Variants in NDRG4 observed in about 807,000 individuals in gnomAD.
NDRG4 encodes NDRG family member 4.
A neutral mutation model predicts 55.8 loss-of-function variants in NDRG4; 38 were observed. The ratio of observed to expected loss-of-function variants is 0.68; its 90% CI spans 0.53 to 0.89. The LOEUF is 0.89. Ranked by LOEUF, NDRG4 falls within the 40% of genes least tolerant of loss-of-function variation. The probability of loss-of-function intolerance (pLI) is 0.00; values close to 1 mark genes in which losing one functional copy is unlikely to be tolerated. For synonymous variants in NDRG4, 190 were observed against 182.7 expected, an observed-to-expected ratio of 1.04 and a Z score of -0.32; for missense variants, 455 against 468.6, an observed-to-expected ratio of 0.97 and a Z score of 0.27.
Position 58,506,450 on chromosome 16 carries a change from T to A in NDRG4, c.436T>A (p.Trp146Arg). 6.2e-7 allele frequency: 1 copy of A among 1,603,966 alleles called. No homozygotes were observed. The highest frequency in any genetic ancestry group is 8.5e-7 in the Non-Finnish European group (1 of 1,176,756). Residue 146 changes from tryptophan to arginine, a missense_variant, in exon 6 of 15, where the codon TGG becomes AGG. Trp to Arg is a moderately radical substitution (Grantham distance 101, BLOSUM62 -3). Transcript: ENST00000570248. ...LVNIDPNGKG[W>R]IDWAATKLSG... ...GAACATCGACCCCAATGGCAAAGGC[T>A]GGATAGACTGGGCTGCCACCAAGGT...
chr16:58,477,006 GT>G (rs758971200), intron 1 of NDRG4, among the ~76,000 whole-genome samples: 12 of 151,958 alleles, frequency 7.9e-5, no homozygotes, highest in Non-Finnish European at 1.2e-4. Context: ...TGAGAGCCAG[GT>G]TTCTCACCAC....
chr16:58,480,425 C>G (rs1016262180), intron 1 of NDRG4, among the ~76,000 whole-genome samples: 1 of 152,170 alleles, frequency 6.6e-6, no homozygotes, highest in African/African-American at 2.4e-5. Flanking sequence ...CCGGCCCTGC[C>G]CCCTCCAAGT....
exon 1 of NDRG4, chr16:58,463,764 C>T (rs2030968340): frequency 6.6e-6 from 1 of 151,082 alleles, no homozygotes; most frequent in Admixed American, 6.6e-5. Context: ...GCCCCGCTCC[C>T]CGCCTGCGCG....
chr16:58,494,861 A>G, intron 2 of NDRG4: 1 of 924,258 alleles, frequency 1.1e-6, no homozygotes. Flanking sequence ...AAGAAAAGAG[A>G]AAAGACAGAC....
At chr16:58,504,084 C>G in intron 2 of NDRG4, 70 bp from the exon 3 acceptor site, 1 of 1,604,334 alleles carries the variant, frequency 6.2e-7, no homozygotes, top group Non-Finnish European at 8.5e-7. Flanking sequence ...TGCCTGCCCT[C>G]TGGGGGCCCG....
At chr16:58,503,662 G>T in intron 1 of NDRG4, 136 bp from the exon 2 acceptor site, 2 of 1,525,384 alleles carry the variant, frequency 1.3e-6, no homozygotes, top group Non-Finnish European at 1.8e-6. Context: ...GGGGCTTCTT[G>T]GGGTGATGAG....
At chr16:58,497,216 G>A (rs1029279645), upstream of NDRG4, among the ~76,000 whole-genome samples, 1 of 152,134 alleles carries the variant, frequency 6.6e-6, no homozygotes, top group African/African-American at 2.4e-5. Context: ...CAGCTACTTG[G>A]GAGGCTGAGG....
At chr16:58,478,713 A>AT (rs1227415140) in intron 1 of NDRG4, among the ~76,000 whole-genome samples, 3 of 58,634 alleles carry the variant, frequency 5.1e-5, no homozygotes, top group African/African-American at 9.1e-5. Context: ...TTTTTTTGTA[A>AT]TTTTTTTGTA....
upstream of NDRG4, among the ~76,000 whole-genome samples, chr16:58,496,661 C>T (rs2036447398): frequency 1.3e-5 from 2 of 152,126 alleles, no homozygotes; most frequent in South Asian, 2.1e-4. Context: ...ATTTGTCTAC[C>T]GCATTTTCAG....
chr16:58,493,708 G>A (rs1052116570), intron 2 of NDRG4, among the ~76,000 whole-genome samples: 4 of 152,214 alleles, frequency 2.6e-5, no homozygotes, highest in African/African-American at 9.6e-5. Flanking sequence ...TGAGCTGCCC[G>A]GGAGTTCACA....
intron 1 of NDRG4, chr16:58,501,312 C>G: frequency 2.6e-6 from 1 of 381,350 alleles, no homozygotes; most frequent in Non-Finnish European, 4.6e-6. Flanking sequence ...GCGCAAAGCC[C>G]GGCTCAAAGC....
At chr16:58,480,828 T>A (rs2034294578) in intron 1 of NDRG4, among the ~76,000 whole-genome samples, 1 of 151,946 alleles carries the variant, frequency 6.6e-6, no homozygotes, top group South Asian at 2.1e-4. Flanking sequence ...GCCAACATGG[T>A]GAAACCCCAT....
At position 58,512,500 on chromosome 16, in the gene NDRG4, A is replaced by C. The variant is rs1156683019; in HGVS notation, c.*924A>C. ...TTCCCCAGAGGGCAACGCCATCAGT[A>C]GCAGTGTGGTGTTTCAGGCAGAGCT... On this transcript the variant is annotated 3_prime_UTR_variant, in exon 15 of 15. Transcript: ENST00000570248. The C allele has an allele frequency of 4.2e-6, 1 of 239,730 alleles. No individual in the cohort carries two copies. The highest frequency in any genetic ancestry group is 1.5e-4 in the East Asian group (1 of 6,582). 14.9% of individuals were successfully genotyped at this position (239,730 alleles called of 1,614,324 possible).
At chr16:58,508,270 A>G (rs1039182919) in intron 10 of NDRG4, among the ~76,000 whole-genome samples, 2 of 152,206 alleles carry the variant, frequency 1.3e-5, no homozygotes, top group African/African-American at 4.8e-5. Flanking sequence ...CCAGCAGCAC[A>G]GCCCCAACTT....
Position 58,477,573 on chromosome 16 carries a change from ATAAG to A in NDRG4, c.-23-10179_-23-10176del, listed in dbSNP as rs1314953734. On this transcript the variant is annotated intron_variant, in intron 1 of 15. Coordinates refer to the NDRG4 transcript ENST00000258187. ...TATCCATGAGTCCTTATTGATATAAATAAGTAATTGAATAAAGGAGGAAAAAGGA... is the reference window on the plus strand; with the variant it reads ...TATCCATGAGTCCTTATTGATATAAATAATTGAATAAAGGAGGAAAAAGGA... Among the ~76,000 whole-genome samples, 186 of 152,346 alleles carry A rather than the reference ATAAG, an allele frequency of 1.2e-3. 1 individual carries two copies. Among genetic ancestry groups the A allele is most frequent in the Non-Finnish European group, 3.7e-4 (25 of 68,042 alleles).
chr16:58,464,705 C>G lies in NDRG4; in HGVS notation c.-24+908C>G, dbSNP rs2031235039. The G allele has an allele frequency of 8.2e-7, 1 of 1,214,720 alleles. No homozygotes were observed. The allele number at this position is 1,214,720 out of a possible 1,614,324, so 75.2% of individuals were successfully genotyped here. A position where few individuals can be genotyped will look rare whatever the true frequency, so the allele number is the denominator to read the frequency against. ...GCGGGAGCACCGGTCAGGGGGTGGC[C>G]CCATGGGGTCTCTGACCAGCGGAGC... On this transcript the variant is annotated intron_variant, in intron 1 of 15. Coordinates refer to the NDRG4 transcript ENST00000258187. This position sits in a 1 kb window ranked among gnomAD's most constrained non-coding sequence, Gnocchi z 4.8.
chr16:58,491,937 A>C (rs997237294), intron 2 of NDRG4, among the ~76,000 whole-genome samples: 2 of 151,898 alleles, frequency 1.3e-5, no homozygotes, highest in African/African-American at 4.8e-5. Context: ...ATGCACCACC[A>C]TGCCTGTCTC....
intron 2 of NDRG4, among the ~76,000 whole-genome samples, chr16:58,490,486 C>G (rs2035649581): frequency 6.6e-6 from 1 of 152,182 alleles, no homozygotes; most frequent in Admixed American, 6.5e-5. Context: ...CTCATGCCCT[C>G]TGGGCACCCT....
intron 1 of NDRG4, among the ~76,000 whole-genome samples, chr16:58,482,328 C>T (rs1394565980): frequency 6.6e-6 from 1 of 152,196 alleles, no homozygotes; most frequent in African/African-American, 2.4e-5. Context: ...TTCCACAGTT[C>T]TACCTCTTTT....
Sources: allele counts gnomAD v4.1 joint callset (sites outside exome capture counted in the v4.1 genomes callset), GRCh38; gene constraint gnomAD v4.1.1; non-coding constraint Gnocchi (gnomAD v3.1); transcripts MANE v1.5; gene names NCBI Gene and HGNC (gene_info 2026-07-23, HGNC 2026-07-21).